MAP3K13: variants seen among roughly 807,000 people sequenced by gnomAD.
MAP3K13 encodes the protein leucine zipper-bearing kinase.
In MAP3K13, 52 loss-of-function variants were observed where a neutral mutation model predicts 104.0. The ratio of observed to expected loss-of-function variants is 0.50; its 90% CI spans 0.40 to 0.63. MAP3K13 has a LOEUF of 0.63. Among genes scored for constraint, MAP3K13 ranks in the 20% least tolerant of loss-of-function variants. The pLI is 0.00. For synonymous variants in MAP3K13, 394 were observed against 442.2 expected (o/e 0.89, Z 1.37); for missense variants, 914 against 1,218.5 (o/e 0.75, Z 3.72).
chr3:185,391,462 C>T (rs1400942844), intron 1 of MAP3K13, among the ~76,000 whole-genome samples: 1 of 152,034 alleles, frequency 6.6e-6, no homozygotes, highest in Non-Finnish European at 1.5e-5. Flanking sequence ...AAGGATAAAC[C>T]GTAAACACAG....
At chr3:185,481,502 T>A (rs1020728212) in intron 13 of MAP3K13, among the ~76,000 whole-genome samples, 2 of 151,514 alleles carry the variant, frequency 1.3e-5, no homozygotes, top group African/African-American at 4.9e-5. Flanking sequence ...AAAAAAAAAT[T>A]ATTTTAAAGG....
intron 2 of MAP3K13, among the ~76,000 whole-genome samples, chr3:185,310,288 A>C (rs1721449910): frequency 6.6e-6 from 1 of 152,238 alleles, no homozygotes; most frequent in African/African-American, 2.4e-5. Context: ...CTCCATTTCC[A>C]GGAATAACTA....
intron 1 of MAP3K13, among the ~76,000 whole-genome samples, chr3:185,384,556 T>A (rs1325470682): frequency 6.6e-6 from 1 of 152,134 alleles, no homozygotes; most frequent in East Asian, 1.9e-4. Flanking sequence ...TTTTCCATAA[T>A]GGCTGTATTT....
intron 1 of MAP3K13, among the ~76,000 whole-genome samples, chr3:185,401,551 A>G (rs1211833191): frequency 2.0e-5 from 3 of 152,180 alleles, no homozygotes; most frequent in Non-Finnish European, 4.4e-5. Flanking sequence ...ATAGCCCCAG[A>G]TGGTGACTCC....
chr3:185,343,070 A>T (rs1490170887), intron 2 of MAP3K13, among the ~76,000 whole-genome samples: 1 of 152,214 alleles, frequency 6.6e-6, no homozygotes, highest in African/African-American at 2.4e-5. Context: ...GGGTTCCCCA[A>T]CATGGCCACT....
intron 2 of MAP3K13, among the ~76,000 whole-genome samples, chr3:185,295,282 T>C (rs929176053): frequency 2.6e-5 from 4 of 152,170 alleles, no homozygotes; most frequent in African/African-American, 9.7e-5. Context: ...CTTGGCTCAC[T>C]GCAACCTCCG....
chr3:185,344,820 G>T (rs754569654), intron 2 of MAP3K13, among the ~76,000 whole-genome samples: 1 of 151,856 alleles, frequency 6.6e-6, no homozygotes, highest in Non-Finnish European at 1.5e-5. Flanking sequence ...TTCACCAGGT[G>T]ATCTGCCTTC....
Position 185,455,829 on chromosome 3 carries a change from TGA to T in MAP3K13, c.1278+4437_1278+4438del, listed in dbSNP as rs1210296864. 3.0e-3 allele frequency among the ~76,000 whole-genome samples: 330 copies of T among 108,628 alleles called. 21 individuals are homozygous for T. The East Asian group carries it at 0.074, about 24-fold the overall frequency. 71.3% of individuals were successfully genotyped at this position (108,628 alleles called of 152,430 possible). ...ATGAGATATATATATGAGATATATA[TGA>T]GATATATATATGAGATATATATGAG... On this transcript the variant is annotated intron_variant, in intron 7 of 13. Coordinates refer to ENST00000265026, the MANE Select transcript of MAP3K13 (RefSeq NM_004721.5).
intron 1 of MAP3K13, among the ~76,000 whole-genome samples, chr3:185,425,611 CT>C (rs1714365839): frequency 6.6e-6 from 1 of 152,128 alleles, no homozygotes; most frequent in African/African-American, 2.4e-5. Context: ...AGATTACTCC[CT>C]TGCTTAAAAT....
At chr3:185,393,644 G>A (rs1231181887) in intron 1 of MAP3K13, among the ~76,000 whole-genome samples, 2 of 151,984 alleles carry the variant, frequency 1.3e-5, no homozygotes, top group African/African-American at 4.8e-5. Context: ...ATTTTTAGTA[G>A]AGTTGGGGTT....
At chr3:185,479,709 T>C (rs994949090) in intron 12 of MAP3K13, among the ~76,000 whole-genome samples, 1 of 152,196 alleles carries the variant, frequency 6.6e-6, no homozygotes, top group African/African-American at 2.4e-5. Context: ...TACTACAGAT[T>C]GGATGGCTTA....
At chr3:185,457,461 A>C (rs1400059531) in intron 7 of MAP3K13, among the ~76,000 whole-genome samples, 1 of 152,184 alleles carries the variant, frequency 6.6e-6, no homozygotes, top group African/African-American at 2.4e-5. Context: ...GTTCTGGTTT[A>C]TAGGTGATGC....
chr3:185,294,367 A>AT (rs1234618792), intron 2 of MAP3K13, among the ~76,000 whole-genome samples: 1 of 152,194 alleles, frequency 6.6e-6, no homozygotes, highest in Non-Finnish European at 1.5e-5. Flanking sequence ...TGAAGAACTA[A>AT]TTTTTTAGTG....
rs115607811 is a variant in MAP3K13 at position 185,364,428 on chromosome 3, G to T, written c.-86+1060G>T. Among the ~76,000 whole-genome samples the T allele has an allele frequency of 7.4e-3, 1,122 of 152,294 alleles. 10 individuals are homozygous for T. The highest frequency in any genetic ancestry group is 0.025 in the African/African-American group (1,026 of 41,568). ...CGATTTATATGCCAGTCTGCAGCATGTACCCAGTTGTTCTTTCTCCTGAGA... is the reference window on the plus strand; with the variant it reads ...CGATTTATATGCCAGTCTGCAGCATTTACCCAGTTGTTCTTTCTCCTGAGA... On this transcript the variant is annotated intron_variant, in intron 1 of 13. Coordinates refer to ENST00000265026, the MANE Select transcript of MAP3K13 (RefSeq NM_004721.5).
intron 1 of MAP3K13, among the ~76,000 whole-genome samples, chr3:185,405,887 C>T (rs923558694): frequency 6.6e-6 from 1 of 152,224 alleles, no homozygotes; most frequent in East Asian, 1.9e-4. Flanking sequence ...TGATGTCTGG[C>T]ACATGCTCAA....
In MAP3K13 at chr3:185,418,393, G is replaced by C. The variant is rs1463580250; in HGVS notation, c.-85-10104G>C. On this transcript the variant is annotated intron_variant, in intron 1 of 13. Transcript: ENST00000265026. The surrounding 1 kb of genome is among the most constrained non-coding windows in gnomAD (Gnocchi z 4.5). ...GACCAGTGCTGGTAGGGCTGAGGCA[G>C]CCAGGGCAGAACAGATGGCATATCG... 1 of 1,605,600 alleles carries C rather than the reference G, an allele frequency of 6.2e-7. No homozygotes were observed. Among genetic ancestry groups the C allele is most frequent in the South Asian group, 1.1e-5 (1 of 90,852 alleles).
intron 1 of MAP3K13, among the ~76,000 whole-genome samples, chr3:185,371,061 A>G (rs1724136049): frequency 6.6e-6 from 1 of 152,188 alleles, no homozygotes; most frequent in East Asian, 1.9e-4. Flanking sequence ...ATTATTCTGT[A>G]TGATAATTGC....
chr3:185,333,882 T>G (rs556651909), intron 2 of MAP3K13, among the ~76,000 whole-genome samples: 1 of 152,182 alleles, frequency 6.6e-6, no homozygotes, highest in South Asian at 2.1e-4. Flanking sequence ...GACAAAACGC[T>G]GTGTCTACAA....
chr3:185,372,656 A>G (rs959386894), intron 1 of MAP3K13, among the ~76,000 whole-genome samples: 1 of 152,194 alleles, frequency 6.6e-6, no homozygotes, highest in Non-Finnish European at 1.5e-5. Flanking sequence ...CTTTGATACC[A>G]GATTTTGTTA....
Sources: allele counts gnomAD v4.1 joint callset (sites outside exome capture counted in the v4.1 genomes callset), GRCh38; gene constraint gnomAD v4.1.1; non-coding constraint Gnocchi (gnomAD v3.1); transcripts MANE v1.5; gene names NCBI Gene and HGNC (gene_info 2026-07-23, HGNC 2026-07-21).